The following PKD1 variants were observed in gnomAD, a reference collection of about 807,000 sequenced individuals.
PKD1 encodes the protein polycystin 1, transient receptor potential channel interacting, also known as polycystin-1.
A neutral mutation model predicts 361.7 loss-of-function variants in PKD1; 81 were observed. That is an observed-to-expected ratio of 0.22 (90% CI 0.19 to 0.27). The LOEUF (loss-of-function observed/expected upper bound fraction) is 0.27, where lower values mean the gene tolerates loss of function less well. Ranked by LOEUF, PKD1 falls within the 10% of genes least tolerant of loss-of-function variation. The pLI is 1.00. For synonymous variants in PKD1, 3,615 were observed against 2,818.3 expected, an observed-to-expected ratio of 1.28 and a Z score of -8.95; for missense variants, 6,399 against 6,118.3, an observed-to-expected ratio of 1.05 and a Z score of -1.53.
In PKD1 at chr16:2,089,810, C is replaced by T; in HGVS notation, c.12829G>A (p.Ala4277Thr). ...RPALPSRLARASRGVDLATGP... is the reference protein window; with the variant it reads ...RPALPSRLARTSRGVDLATGP... ...GTGGCCAGGTCCACACCCCGACTGGCCCGGGCAAGGCGGCTGGGCAGTGCT... is the reference window on the plus strand; with the variant it reads ...GTGGCCAGGTCCACACCCCGACTGGTCCGGGCAAGGCGGCTGGGCAGTGCT... The change falls in exon 46 of 46, where the codon GCC (alanine) becomes ACC (threonine). Residue 4277 changes from alanine to threonine, a missense_variant. Physicochemically the swap from Ala to Thr is moderately conservative, Grantham distance 58. Coordinates refer to ENST00000262304, the MANE Select transcript of PKD1 (RefSeq NM_001009944.3). 6.2e-7 allele frequency: 1 copy of T among 1,600,372 alleles called. No homozygotes were observed. Among genetic ancestry groups the T allele is most frequent in the Non-Finnish European group, 8.5e-7 (1 of 1,174,188 alleles).
At chr16:2,105,177 G>A in intron 21 of PKD1, 145 bp downstream of exon 21, 2 of 815,880 alleles carry the variant, frequency 2.5e-6, no homozygotes, top group Admixed American at 2.1e-5. Context: ...TACTGAAGCA[G>A]GTCAGAGACC....
Position 2,120,109 on chromosome 16 carries a change from T to A in PKD1, c.216-731A>T, listed in dbSNP as rs1447882893. On this transcript the variant is annotated intron_variant, in intron 1 of 45. Coordinates refer to ENST00000262304, the MANE Select transcript of PKD1 (RefSeq NM_001009944.3). ...CCTGGGGTCCCAAGTACTCGGGAGG[T>A]AGAGGAGAGAAAAATCACTTGAGCC... The A allele has an allele frequency of 9.1e-6, 5 of 551,514 alleles. No homozygotes were observed. In the East Asian group the frequency reaches 1.5e-4, roughly 16 times the overall value. The allele number at this position is 551,514 out of a possible 1,614,324, so 34.2% of individuals were successfully genotyped here.
Position 2,106,599 on chromosome 16 carries a change from G to A in PKD1, c.7288C>T (p.Arg2430Ter), listed in dbSNP as rs2432403. ...TTTSTGSAGM[R>*]LVLRRGVLRD... is the part of the protein sequence containing the mutation. ...AGCACGCCCCGCCGCAGCACCAGTCGCATGCCTGCACTGCCCGTGGATGTG... is the reference window on the plus strand; with the variant it reads ...AGCACGCCCCGCCGCAGCACCAGTCACATGCCTGCACTGCCCGTGGATGTG... Residue 2430 changes from arginine to a stop codon, truncating the protein, a stop_gained, in exon 18 of 46, where the codon CGA becomes TGA. Coordinates refer to ENST00000262304, the MANE Select transcript of PKD1 (RefSeq NM_001009944.3). LOFTEE classifies it high-confidence loss of function. The surrounding 1 kb of genome is among the most constrained non-coding windows in gnomAD (Gnocchi z 6.5). The A allele has an allele frequency of 1.3e-6, 2 of 1,598,092 alleles. No individual in the cohort carries two copies. Among genetic ancestry groups the A allele is most frequent in the Non-Finnish European group, 1.7e-6 (2 of 1,178,846 alleles).
At position 2,117,447 on chromosome 16, in the gene PKD1, G is replaced by A. The variant is rs184112237; in HGVS notation, c.1385+42C>T. 193 of 1,349,014 alleles carry A rather than the reference G, an allele frequency of 1.4e-4. No individual in the cohort carries two copies. In the African/African-American group the frequency reaches 2.6e-3, roughly 18 times the overall value. The allele number at this position is 1,349,014 out of a possible 1,614,324, so 83.6% of individuals were successfully genotyped here. A position where few individuals can be genotyped will look rare whatever the true frequency, so the allele number is the denominator to read the frequency against. ...GCAGGCTCTGCCCCAGTGCTTCAGA[G>A]ATCTCCCAACCTATGGCCCCTCGGG... On this transcript the variant is annotated intron_variant, in intron 6 of 45. Coordinates refer to ENST00000262304, the MANE Select transcript of PKD1 (RefSeq NM_001009944.3).
rs553032975 is a variant in PKD1 at position 2,132,411 on chromosome 16, T to C, written c.215+3064A>G. Among the ~76,000 whole-genome samples the C allele has an allele frequency of 2.3e-3, 349 of 150,292 alleles. 1 individual carries two copies. In the Middle Eastern group the frequency reaches 0.024, roughly 10 times the overall value. ...AGTAAAACCCCGTCTCTACTAAAAA[T>C]ACAAAAATTAGCTGGGCACGGTGGT... On this transcript the variant is annotated intron_variant, in intron 1 of 45. Transcript: ENST00000262304.
Position 2,099,880 on chromosome 16 carries a change from C to T in PKD1, c.9904G>A (p.Val3302Ile), listed in dbSNP as rs771383072. ...ACCCACCTGTAGGCAGAGTCGCCAA[C>T]AGCCCCGTACCACACGGCGTTGGCG... ...LGANAVWYGA[V>I]GDSAYSTGHV... The change falls in exon 29 of 46, where the codon GTT (valine) becomes ATT (isoleucine). Residue 3302 changes from valine (V) to isoleucine (I), a missense_variant. Coordinates refer to ENST00000262304, the MANE Select transcript of PKD1 (RefSeq NM_001009944.3). 23 of 1,566,876 alleles carry T rather than the reference C, an allele frequency of 1.5e-5. No homozygotes were observed. The highest frequency in any genetic ancestry group is 2.7e-5 in the African/African-American group (2 of 73,862).
Position 2,106,898 on chromosome 16 carries a change from G to A in PKD1, c.7116C>T (p.Ser2372=), listed in dbSNP as rs1214438314. ...CTTCGTACACGGCCTGTGCCTTGCAGGACACACACTCCAAGGACACAATGG... is the reference window on the plus strand; with the variant it reads ...CTTCGTACACGGCCTGTGCCTTGCAAGACACACACTCCAAGGACACAATGG... The part of the protein sequence containing the change: ...RVPIVSLECV[S]CKAQAVYEVS... Residue 2372 remains serine, a synonymous_variant, in exon 17 of 46, where the codon TCC becomes TCT. Transcript: ENST00000262304. The surrounding 1 kb of genome is among the most constrained non-coding windows in gnomAD (Gnocchi z 6.5). 8.3e-6 allele frequency: 13 copies of A among 1,563,018 alleles called. No homozygotes were observed. The highest frequency in any genetic ancestry group is 5.5e-5 in the South Asian group (5 of 90,518).
At position 2,102,425 on chromosome 16, in the gene PKD1, C is replaced by T. The variant is rs200360336; in HGVS notation, c.9157G>A (p.Ala3053Thr). The stretch of plus-strand genomic sequence containing the variant: ...TGGCTTGGGGGCACGAAGAGGCTGG[C>T]GCCGAAGGCGGTGAGGTGGCGGGTG... Reference protein sequence around the residue: ...CLTRHLTAFGASLFVPPSHVR... With the variant: ...CLTRHLTAFGTSLFVPPSHVR... Residue 3053 changes from alanine (A) to threonine (T), a missense_variant, in exon 25 of 46, where the codon GCC becomes ACC. Transcript: ENST00000262304. 3.9e-6 allele frequency: 6 copies of T among 1,550,538 alleles called. No homozygotes were observed. Among genetic ancestry groups the T allele is most frequent in the South Asian group, 1.2e-5 (1 of 84,396 alleles).
chr16:2,094,539 C>A (rs2091762435), intron 34 of PKD1, among the ~76,000 whole-genome samples: 1 of 152,218 alleles, frequency 6.6e-6, no homozygotes, highest in Non-Finnish European at 1.5e-5. Flanking sequence ...TTCAACCCTG[C>A]AAACTATGAT....
At chr16:2,115,327 G>C in intron 10 of PKD1, 51 bp downstream of exon 10, 1 of 1,438,680 alleles carries the variant, frequency 7.0e-7, no homozygotes, top group East Asian at 2.5e-5. Flanking sequence ...CAGCAGACAG[G>C]AAGGTGGCCT....
intron 1 of PKD1, among the ~76,000 whole-genome samples, chr16:2,132,365 C>T (rs1290745354): frequency 2.0e-5 from 3 of 151,346 alleles, no homozygotes; most frequent in Admixed American, 6.6e-5. Flanking sequence ...GTCAGGAGAT[C>T]GAGACCATCC....
At position 2,089,846 on chromosome 16, in the gene PKD1, C is replaced by G. The variant is rs775938946; in HGVS notation, c.12793G>C (p.Gly4265Arg). ...CGGCTGGGCAGTGCTGGCCGCAGGC[C>G]CGGGGATGGGCCACGGGAAGATCCG... is the stretch of plus-strand genomic sequence containing the variant. Reference protein sequence around the residue: ...PAGSSRGPSPGLRPALPSRLA... With the variant: ...PAGSSRGPSPRLRPALPSRLA... The change falls in exon 46 of 46, where the codon GGC (glycine) becomes CGC (arginine). Residue 4265 changes from glycine (G) to arginine (R), a missense_variant. Gly to Arg is a moderately radical substitution (Grantham distance 125). Transcript: ENST00000262304. The G allele has an allele frequency of 1.2e-6, 2 of 1,606,830 alleles. No individual in the cohort carries two copies. Among genetic ancestry groups the G allele is most frequent in the Admixed American group, 1.7e-5 (1 of 59,184 alleles).
Position 2,090,114 on chromosome 16 carries a change from C to T in PKD1, c.12525G>A (p.Val4175=), listed in dbSNP as rs377361316. The change falls in exon 46 of 46, where the codon GTG becomes GTA. Residue 4175 remains valine, a synonymous_variant. Coordinates refer to ENST00000262304, the MANE Select transcript of PKD1 (RefSeq NM_001009944.3). ...CATCGGAGCCAGCGCTGGGTGGGGG[C>T]ACATCCGGGGATACCTTGGAGCCCC... ...SSRGSKVSPD[V]PPPSAGSDAS... The T allele has an allele frequency of 6.2e-6, 10 of 1,601,732 alleles. No homozygotes were observed. In the African/African-American group the frequency reaches 1.3e-4, roughly 21 times the overall value.
intron 15 of PKD1, 97 bp downstream of exon 15, chr16:2,108,155 T>G (rs917675037): frequency 6.8e-7 from 1 of 1,469,494 alleles, no homozygotes; most frequent in Non-Finnish European, 9.4e-7. Context: ...CACCAGGCAC[T>G]GAGGACGGGC....
At position 2,109,643 on chromosome 16, in the gene PKD1, G is replaced by A; in HGVS notation, c.5524C>T (p.Pro1842Ser). ...GGGCCACGCTTGCTGCTGCCGCCGG[G>A]CACAGCCCAGCACCAGCTCACATTG... ...GTNVSWCWAV[P>S]GGSSKRGPHV... The change falls in exon 15 of 46, where the codon CCC becomes TCC. Residue 1842 changes from proline to serine, a missense_variant. Transcript: ENST00000262304. The A allele has an allele frequency of 1.3e-6, 2 of 1,593,902 alleles. No individual in the cohort carries two copies. Among genetic ancestry groups the A allele is most frequent in the Non-Finnish European group, 1.7e-6 (2 of 1,170,934 alleles).
intron 1 of PKD1, chr16:2,133,119 A>C (rs1045977334): frequency 9.3e-6 from 1 of 107,660 alleles, no homozygotes; most frequent in African/African-American, 3.8e-5. Flanking sequence ...ATGGGTCAGG[A>C]GGGAGAAGGG....
chr16:2,114,459 G>C lies in PKD1; in HGVS notation c.2564C>G (p.Ala855Gly). ...LVLQVDSGAN[A>G]TATARWPGGS... ...CCCAGGCCAGCGAGCCGTGGCCGTG[G>C]CGTTGGCACCAGAGTCCACCTGGAG... Residue 855 changes from alanine to glycine, a missense_variant, in exon 11 of 46, where the codon GCC becomes GGC. Transcript: ENST00000262304. 1.3e-6 allele frequency: 2 copies of C among 1,597,900 alleles called. No individual in the cohort carries two copies. The highest frequency in any genetic ancestry group is 2.2e-5 in the South Asian group (2 of 90,920).
chr16:2,107,911 C>A lies in PKD1; in HGVS notation c.7037G>T (p.Gly2346Val). ...YTFSLTVWKA[G>V]RKEEATNQTV... ...CTGGTTGGTGGCCTCCTCCTTGCGG[C>A]CGGCCTTCCACACGGTCAGGCTGAA... The change falls in exon 16 of 46, where the codon GGC becomes GTC. Residue 2346 changes from glycine to valine, a missense_variant. Physicochemically the swap from Gly to Val is moderately radical, Grantham distance 109. Transcript: ENST00000262304. 3.2e-6 allele frequency: 5 copies of A among 1,545,208 alleles called. No individual in the cohort carries two copies. Among genetic ancestry groups the A allele is most frequent in the Non-Finnish European group, 4.4e-6 (5 of 1,146,628 alleles).
intron 1 of PKD1, among the ~76,000 whole-genome samples, chr16:2,123,903 G>GT (rs2092759988): frequency 6.6e-6 from 1 of 152,210 alleles, no homozygotes; most frequent in South Asian, 2.1e-4. Flanking sequence ...GTCGGGAGGA[G>GT]TACACCCCCA....
Sources: allele counts gnomAD v4.1 joint callset (sites outside exome capture counted in the v4.1 genomes callset), GRCh38; gene constraint gnomAD v4.1.1; non-coding constraint Gnocchi (gnomAD v3.1); transcripts MANE v1.5; gene names NCBI Gene and HGNC (gene_info 2026-07-23, HGNC 2026-07-21).